The following ARHGEF12 variants were observed in gnomAD, a reference collection of about 807,000 sequenced individuals.
ARHGEF12 encodes the protein Rho guanine nucleotide exchange factor 12.
Under a neutral mutation model 211.2 loss-of-function variants are expected in ARHGEF12, and 66 were observed. That is an observed-to-expected ratio of 0.31 (90% CI 0.26 to 0.38). ARHGEF12 has a LOEUF of 0.38. Ranked by LOEUF, ARHGEF12 falls within the 10% of genes least tolerant of loss-of-function variation. ARHGEF12 has a pLI of 1.00. For synonymous variants in ARHGEF12, 592 were observed against 638.4 expected (o/e 0.93, Z 1.09); for missense variants, 1,429 against 1,869.5 (o/e 0.76, Z 4.34).
At chr11:120,443,951 G>A (rs994154142) in intron 15 of ARHGEF12, among the ~76,000 whole-genome samples, 2 of 152,184 alleles carry the variant, frequency 1.3e-5, no homozygotes, top group Non-Finnish European at 2.9e-5. Context: ...TTGTACAACG[G>A]ACTTGAGAGT....
At chr11:120,420,004 T>A (rs987412726) in intron 4 of ARHGEF12, among the ~76,000 whole-genome samples, 1 of 152,224 alleles carries the variant, frequency 6.6e-6, no homozygotes, top group Admixed American at 6.5e-5. Flanking sequence ...GCTGGGGCCC[T>A]CTTTCTCTCA....
At chr11:120,391,225 C>G (rs2120430) in intron 1 of ARHGEF12, among the ~76,000 whole-genome samples, 27,863 of 152,122 alleles carry the variant, frequency 0.18, 2,917 homozygotes, top group Non-Finnish European at 0.23. Flanking sequence ...TATGTTTATT[C>G]TAGCTGGTTC....
chr11:120,354,256 CTCAG>C (rs913186082), intron 1 of ARHGEF12, among the ~76,000 whole-genome samples: 1 of 152,152 alleles, frequency 6.6e-6, no homozygotes, highest in Non-Finnish European at 1.5e-5. Flanking sequence ...TCAAAGAGGG[CTCAG>C]TCCTACCCCA....
Position 120,346,974 on chromosome 11 carries a change from A to T in ARHGEF12, c.32+9699A>T, listed in dbSNP as rs1591481722. ...CTGTCTGATAGGGTGAGGTAATAGT[A>T]CTATATAGACTGACAGGTGTCAAGC... On this transcript the variant is annotated intron_variant, in intron 1 of 40. Coordinates refer to ENST00000397843, the MANE Select transcript of ARHGEF12 (RefSeq NM_015313.3). 3.3e-5 allele frequency among the ~76,000 whole-genome samples: 5 copies of T among 152,302 alleles called. No individual in the cohort carries two copies. In the East Asian group the frequency reaches 9.6e-4, roughly 29 times the overall value.
chr11:120,339,448 T>A (rs991465347), intron 1 of ARHGEF12, among the ~76,000 whole-genome samples: 3 of 152,146 alleles, frequency 2.0e-5, no homozygotes, highest in African/African-American at 7.2e-5. Flanking sequence ...CCTCATCCTT[T>A]TTTCGTAGTG....
At position 120,486,367 on chromosome 11, in the gene ARHGEF12, C is replaced by G. The variant is rs114540799; in HGVS notation, c.*1290C>G. The G allele has an allele frequency of 4.3e-6, 1 of 232,800 alleles. No homozygotes were observed. The highest frequency in any genetic ancestry group is 2.2e-5 in the African/African-American group (1 of 45,286). 14.4% of individuals were successfully genotyped at this position (232,800 alleles called of 1,614,324 possible). ...CTTCACTGCCGCAGCTCTTTCCACA[C>G]GGGGCCGTGATTGACCCTAAAAATT... is the stretch of plus-strand genomic sequence containing the variant. On this transcript the variant is annotated 3_prime_UTR_variant, in exon 41 of 41. Transcript: ENST00000397843.
At chr11:120,338,136 G>A (rs1942414221) in intron 1 of ARHGEF12, among the ~76,000 whole-genome samples, 1 of 152,192 alleles carries the variant, frequency 6.6e-6, no homozygotes, top group African/African-American at 2.4e-5. Flanking sequence ...TTGATTCCTT[G>A]ACCACATTTC....
intron 33 of ARHGEF12, 133 bp from the exon 34 acceptor site, chr11:120,476,528 C>T: frequency 2.0e-6 from 1 of 496,082 alleles, no homozygotes; most frequent in Non-Finnish European, 3.5e-6. Flanking sequence ...AAGTGTACAT[C>T]TTGATGAATT....
intron 1 of ARHGEF12, among the ~76,000 whole-genome samples, chr11:120,398,375 G>T (rs1421765777): frequency 6.6e-6 from 1 of 152,140 alleles, no homozygotes; most frequent in African/African-American, 2.4e-5. Flanking sequence ...CAGTGCTGTG[G>T]TGAGCCATTG....
chr11:120,366,558 C>T (rs1476527380), intron 1 of ARHGEF12, among the ~76,000 whole-genome samples: 1 of 152,172 alleles, frequency 6.6e-6, no homozygotes, highest in Admixed American at 6.5e-5. Context: ...CCTTTTTCTT[C>T]CACAAAAGTA....
chr11:120,440,876 A>G (rs1945849317), intron 13 of ARHGEF12, among the ~76,000 whole-genome samples: 1 of 152,096 alleles, frequency 6.6e-6, no homozygotes. Context: ...TAGGTTAAGG[A>G]ATACTCCTGG....
At chr11:120,340,626 CATGTTTAT>C (rs1020236780) in intron 1 of ARHGEF12, among the ~76,000 whole-genome samples, 1 of 152,016 alleles carries the variant, frequency 6.6e-6, no homozygotes, top group Non-Finnish European at 1.5e-5. Context: ...AAGAGCTACT[CATGTTTAT>C]ATGTTATTTT....
chr11:120,437,267 T>C (rs748759061), intron 11 of ARHGEF12, 41 bp from the exon 12 acceptor site: 2 of 1,403,828 alleles, frequency 1.4e-6, no homozygotes, highest in South Asian at 2.6e-5. Flanking sequence ...CCTTTTGGTG[T>C]GCCTATTGAA....
chr11:120,345,446 G>A (rs1942675640), intron 1 of ARHGEF12, among the ~76,000 whole-genome samples: 1 of 152,212 alleles, frequency 6.6e-6, no homozygotes, highest in Non-Finnish European at 1.5e-5. Flanking sequence ...GCTCACGCCT[G>A]TAATCCCAGC....
intron 13 of ARHGEF12, among the ~76,000 whole-genome samples, chr11:120,441,260 A>G (rs983783040): frequency 6.6e-6 from 1 of 152,158 alleles, no homozygotes; most frequent in Admixed American, 6.6e-5. Flanking sequence ...TGTGTTCAGT[A>G]TATTTAGGGA....
In ARHGEF12 at chr11:120,337,346, C is replaced by T. The variant is rs1474988385; in HGVS notation, c.32+71C>T. 2.5e-6 allele frequency: 4 copies of T among 1,607,808 alleles called. No homozygotes were observed. In the African/African-American group the frequency reaches 4.0e-5, roughly 16 times the overall value. On this transcript the variant is annotated intron_variant, in intron 1 of 40. Transcript: ENST00000397843. ...GACCTAGCAGGGGAGTCGGTGATTG[C>T]AGATTGCCTTTGGCCAGCGAAGTTG...
At chr11:120,481,850 T>C (rs1251231766) in intron 39 of ARHGEF12, among the ~76,000 whole-genome samples, 2 of 151,766 alleles carry the variant, frequency 1.3e-5, no homozygotes, top group East Asian at 3.9e-4. Context: ...AGCTCTGCCT[T>C]CCAGGTTCAC....
intron 1 of ARHGEF12, among the ~76,000 whole-genome samples, chr11:120,386,784 A>G (rs1015700538): frequency 3.9e-5 from 6 of 152,146 alleles, no homozygotes; most frequent in Non-Finnish European, 7.4e-5. Context: ...TATCCTATGC[A>G]CATTAGTCCA....
intron 1 of ARHGEF12, among the ~76,000 whole-genome samples, chr11:120,365,246 A>T (rs1289193774): frequency 1.3e-5 from 2 of 152,098 alleles, no homozygotes; most frequent in Non-Finnish European, 2.9e-5. Flanking sequence ...ACCTCTGTTT[A>T]GTTTTTATTT....
Sources: gnomAD v4.1 joint callset for allele counts (sites outside exome capture counted in the v4.1 genomes callset) on GRCh38, gnomAD v4.1.1 for gene constraint, MANE v1.5 for transcripts, NCBI Gene and HGNC (gene_info 2026-07-23, HGNC 2026-07-21) for gene names.